LRRC40: variants seen among roughly 807,000 people sequenced by gnomAD.
LRRC40 encodes leucine rich repeat containing 40.
Under a neutral mutation model 72.8 loss-of-function variants are expected in LRRC40, and 76 were observed. The ratio of observed to expected loss-of-function variants is 1.04; its 90% CI spans 0.87 to 1.26. The LOEUF (loss-of-function observed/expected upper bound fraction) is 1.26. Among genes scored for constraint, LRRC40 ranks in the 50% most tolerant of loss-of-function variants. LRRC40 has a pLI of 0.00. For synonymous variants in LRRC40, 243 were observed against 254.2 expected (o/e 0.96, Z 0.42); for missense variants, 684 against 698.9 (o/e 0.98, Z 0.24).
chr1:70,182,556 T>C (rs1668269621), intron 4 of LRRC40, among the ~76,000 whole-genome samples: 1 of 152,064 alleles, frequency 6.6e-6, no homozygotes, highest in South Asian at 2.1e-4. Context: ...TCAGAAATTG[T>C]CAAAGCATTT....
Position 70,145,883 on chromosome 1 carries a change from G to T in LRRC40, c.1726C>A (p.Pro576Thr). The change falls in exon 15 of 15, where the codon CCA becomes ACA. Residue 576 changes from proline (P) to threonine (T), a missense_variant. By Grantham distance (38) the Pro-to-Thr change is conservative. Transcript: ENST00000370952. ...NLRTLLLDGN[P>T]FRVPRAAILM... ...ATGGCTGCTCGAGGAACTCGGAATGGATTTCCATCCAGTAGTAATGTTCTA... is the reference window on the plus strand; with the variant it reads ...ATGGCTGCTCGAGGAACTCGGAATGTATTTCCATCCAGTAGTAATGTTCTA... 1 of 1,598,486 alleles carries T rather than the reference G, an allele frequency of 6.3e-7. No homozygotes were observed. The highest frequency in any genetic ancestry group is 8.6e-7 in the Non-Finnish European group (1 of 1,166,884).
chr1:70,151,207 T>A lies in LRRC40; in HGVS notation c.1440-2A>T. On this transcript the variant is annotated splice_acceptor_variant, in intron 12 of 14. Coordinates refer to ENST00000370952, the MANE Select transcript of LRRC40 (RefSeq NM_017768.5). LOFTEE classifies it high-confidence loss of function. Reference sequence around the variant, plus strand: ...GGCAAAGAATTTAAAAAATTGTTCCTAAATTGGAAATCAAAACAGAAGATT... The same window carrying A: ...GGCAAAGAATTTAAAAAATTGTTCCAAAATTGGAAATCAAAACAGAAGATT... 1 of 1,496,620 alleles carries A rather than the reference T, an allele frequency of 6.7e-7. No individual in the cohort carries two copies. The highest frequency in any genetic ancestry group is 9.3e-7 in the Non-Finnish European group (1 of 1,077,092). 92.7% of individuals were successfully genotyped at this position (1,496,620 alleles called of 1,614,324 possible).
chr1:70,192,411 C>A (rs1668521622), intron 1 of LRRC40, among the ~76,000 whole-genome samples: 1 of 152,020 alleles, frequency 6.6e-6, no homozygotes, highest in Non-Finnish European at 1.5e-5. Context: ...GATGGCGATT[C>A]CTCAAAGAGG....
intron 1 of LRRC40, among the ~76,000 whole-genome samples, chr1:70,200,011 T>C (rs996531275): frequency 3.3e-5 from 5 of 152,198 alleles, no homozygotes; most frequent in African/African-American, 9.6e-5. Context: ...TTAACAATCC[T>C]ATCAGGTTAA....
rs751393540 is a variant in LRRC40 at position 70,173,472 on chromosome 1, C to A, written c.1104G>T (p.Lys368Asn). ...GAGAACATTTTAAAGTACCTTTGAT[C>A]TTGCTTCGTAGATATTTTAGGACTT... The part of the protein sequence containing the change: ...TQEVLKYLRS[K>N]IKDDGPSQSE... Residue 368 changes from lysine to asparagine, a missense_variant, in exon 9 of 15, where the codon AAG becomes AAT. Transcript: ENST00000370952. 3 of 1,603,666 alleles carry A rather than the reference C, an allele frequency of 1.9e-6. No homozygotes were observed. Among genetic ancestry groups the A allele is most frequent in the South Asian group, 2.2e-5 (2 of 90,646 alleles).
chr1:70,152,638 A>C, intron 11 of LRRC40, 95 bp from the exon 12 acceptor site: 1 of 694,262 alleles, frequency 1.4e-6, no homozygotes, highest in East Asian at 2.7e-5. Context: ...CCTATATTTA[A>C]CTTCTGCTAA....
chr1:70,183,965 G>A (rs1419900606), intron 4 of LRRC40, among the ~76,000 whole-genome samples: 1 of 151,974 alleles, frequency 6.6e-6, no homozygotes, highest in Non-Finnish European at 1.5e-5. Context: ...TTAATAATAC[G>A]ACTAGACTAG....
rs539361123 is a variant in LRRC40 at position 70,172,079 on chromosome 1, T to C, written c.1111+1386A>G. Reference sequence around the variant, plus strand: ...AGGGCCTTTGTAAAGTAACTAGATATTGAGGGCAGAACCCTCATGAACGGG... The same window carrying C: ...AGGGCCTTTGTAAAGTAACTAGATACTGAGGGCAGAACCCTCATGAACGGG... On this transcript the variant is annotated intron_variant, in intron 9 of 14. Transcript: ENST00000370952. Among the ~76,000 whole-genome samples, 4 of 152,220 alleles carry C rather than the reference T, an allele frequency of 2.6e-5. No individual in the cohort carries two copies. In the East Asian group the frequency reaches 7.7e-4, roughly 29 times the overall value.
chr1:70,185,866 T>C (rs1405190733), intron 3 of LRRC40, among the ~76,000 whole-genome samples: 1 of 152,216 alleles, frequency 6.6e-6, no homozygotes, highest in Non-Finnish European at 1.5e-5. Flanking sequence ...AATTAAGAGA[T>C]GACTGAACTA....
At chr1:70,199,977 T>G (rs1668701277) in intron 1 of LRRC40, among the ~76,000 whole-genome samples, 1 of 152,174 alleles carries the variant, frequency 6.6e-6, no homozygotes, top group Admixed American at 6.5e-5. Context: ...TTTATCACTG[T>G]ACTGGACTGG....
chr1:70,154,400 C>A (rs1667591910), intron 11 of LRRC40, among the ~76,000 whole-genome samples: 1 of 152,130 alleles, frequency 6.6e-6, no homozygotes, highest in Non-Finnish European at 1.5e-5. Context: ...TAAGTAATGT[C>A]TCTTAAGTAT....
chr1:70,190,742 T>TAAAAAAAAAAAAAAA (rs1668482726), intron 1 of LRRC40, among the ~76,000 whole-genome samples: 1 of 134,424 alleles, frequency 7.4e-6, no homozygotes, highest in Non-Finnish European at 1.6e-5. Context: ...ACATTCATAC[T>TAAAAAAAAAAAAAAA]AAAATAAATT....
At chr1:70,198,692 C>T (rs868750830) in intron 1 of LRRC40, among the ~76,000 whole-genome samples, 13 of 151,822 alleles carry the variant, frequency 8.6e-5, no homozygotes, top group South Asian at 6.3e-4. Flanking sequence ...TTAAAAATTG[C>T]GAACAAAATT....
rs560848424 is a variant in LRRC40 at position 70,156,271 on chromosome 1, A to G, written c.1221-475T>C. ...TTCAACATTATACTAAACTAACTAA[A>G]ATTAGTTTAATTAATTTAAAATTAG... is the stretch of plus-strand genomic sequence containing the variant. On this transcript the variant is annotated intron_variant, in intron 10 of 14. Coordinates refer to ENST00000370952, the MANE Select transcript of LRRC40 (RefSeq NM_017768.5). 9.2e-5 allele frequency among the ~76,000 whole-genome samples: 14 copies of G among 152,060 alleles called. No homozygotes were observed. In the South Asian group the frequency reaches 2.9e-3, roughly 32 times the overall value.
At chr1:70,185,721 T>C (rs1571481473) in intron 3 of LRRC40, among the ~76,000 whole-genome samples, 1 of 152,182 alleles carries the variant, frequency 6.6e-6, no homozygotes. Context: ...TTTGAGGACC[T>C]AGGATGTCAA....
chr1:70,151,693 T>C, intron 12 of LRRC40: 1 of 151,986 alleles, frequency 6.6e-6, no homozygotes, highest in East Asian at 1.9e-4. Context: ...AGCAAATCTA[T>C]TCCTACTCTA....
At chr1:70,160,802 GT>G (rs987380380) in intron 9 of LRRC40, among the ~76,000 whole-genome samples, 2 of 151,374 alleles carry the variant, frequency 1.3e-5, no homozygotes, top group African/African-American at 2.4e-5. Flanking sequence ...GCGTATTGTT[GT>G]TTTTTTTAAC....
intron 1 of LRRC40, among the ~76,000 whole-genome samples, chr1:70,200,845 G>A (rs1668722161): frequency 2.0e-5 from 3 of 152,190 alleles, no homozygotes; most frequent in Admixed American, 1.3e-4. Context: ...GAGAGCAAGG[G>A]AGAAAGCGCA....
chr1:70,175,050 C>G (rs1387256991), intron 7 of LRRC40, among the ~76,000 whole-genome samples: 1 of 151,352 alleles, frequency 6.6e-6, no homozygotes, highest in Non-Finnish European at 1.5e-5. Context: ...AAGGGAGTAG[C>G]AAAAACCGGA....
Sources: allele counts gnomAD v4.1 joint callset (sites outside exome capture counted in the v4.1 genomes callset), GRCh38; gene constraint gnomAD v4.1.1; transcripts MANE v1.5; gene names NCBI Gene and HGNC (gene_info 2026-07-23, HGNC 2026-07-21).